Variants in TAOK1 observed in about 807,000 individuals in gnomAD.
The protein encoded by TAOK1 is serine/threonine-protein kinase TAO1.
TAOK1 carries 21 observed loss-of-function variants against 138.3 expected under a neutral mutation model. That is an observed-to-expected ratio of 0.15 (90% CI 0.11 to 0.22). The LOEUF is 0.22. Ranked by LOEUF, TAOK1 falls within the 10% of genes least tolerant of loss-of-function variation. The pLI is 1.00. For synonymous variants in TAOK1, 361 were observed against 398.4 expected (o/e 0.91, Z 1.12); for missense variants, 651 against 1,227.7 (o/e 0.53, Z 7.02).
chr17:29,509,335 A>G (rs561464626), intron 14 of TAOK1, among the ~76,000 whole-genome samples: 269 of 151,744 alleles, frequency 1.8e-3, no homozygotes, highest in South Asian at 4.2e-3. Flanking sequence ...TGCCTGGCTA[A>G]TTTTTCATCT....
chr17:29,540,295 T>C (rs1264747420), intron 19 of TAOK1, among the ~76,000 whole-genome samples: 1 of 152,212 alleles, frequency 6.6e-6, no homozygotes, highest in Non-Finnish European at 1.5e-5. Flanking sequence ...CTTTGAGACT[T>C]ATTTGCTCCA....
At chr17:29,402,883 A>C (rs1386696048) in intron 1 of TAOK1, among the ~76,000 whole-genome samples, 2 of 151,894 alleles carry the variant, frequency 1.3e-5, no homozygotes, top group Non-Finnish European at 2.9e-5. Context: ...CTAAAAATAC[A>C]AAAAAATTAG....
rs564349154 is a variant in TAOK1, at chr17:29,544,698, G to A, written c.*1676G>A. 3.4e-4 allele frequency: 52 copies of A among 152,266 alleles called. No individual in the cohort carries two copies. The highest frequency in any genetic ancestry group is 1.2e-3 in the African/African-American group (48 of 41,568). 9.4% of individuals were successfully genotyped at this position (152,266 alleles called of 1,614,324 possible). A position where few individuals can be genotyped will look rare whatever the true frequency, so the allele number is the denominator to read the frequency against. Reference sequence around the variant, plus strand: ...TAGGAAGCTGTGAGTATGACTTGAAGAAAAATATCCTTTTCAGTGACAAAT... The same window carrying A: ...TAGGAAGCTGTGAGTATGACTTGAAAAAAAATATCCTTTTCAGTGACAAAT... On this transcript the variant is annotated 3_prime_UTR_variant, in exon 20 of 20. Transcript: ENST00000261716.
At chr17:29,540,728 G>A (rs1381432772) in intron 19 of TAOK1, among the ~76,000 whole-genome samples, 4 of 151,838 alleles carry the variant, frequency 2.6e-5, no homozygotes, top group Non-Finnish European at 5.9e-5. Flanking sequence ...GTGCCACCAC[G>A]CCCGGCTAAT....
intron 16 of TAOK1, among the ~76,000 whole-genome samples, chr17:29,518,184 AAAT>A (rs1314318202): frequency 6.6e-5 from 10 of 152,140 alleles, no homozygotes; most frequent in African/African-American, 2.2e-4. Context: ...TGCTTTCTTT[AAAT>A]ATTATTCTTT....
chr17:29,518,609 C>A (rs1425693513), intron 16 of TAOK1, among the ~76,000 whole-genome samples: 2 of 152,174 alleles, frequency 1.3e-5, no homozygotes, highest in African/African-American at 4.8e-5. Flanking sequence ...GACTCCCTCA[C>A]TACAATGGAA....
intron 17 of TAOK1, among the ~76,000 whole-genome samples, chr17:29,524,439 A>G (rs1396021630): frequency 6.6e-6 from 1 of 152,176 alleles, no homozygotes; most frequent in Non-Finnish European, 1.5e-5. Context: ...TGTCATTAGA[A>G]CCTTTCCGTT....
At chr17:29,488,880 C>T (rs1252450787) in intron 8 of TAOK1, among the ~76,000 whole-genome samples, 5 of 151,804 alleles carry the variant, frequency 3.3e-5, no homozygotes, top group Admixed American at 6.6e-5. Context: ...AAAATCAGTG[C>T]GGATATTAAA....
intron 2 of TAOK1, among the ~76,000 whole-genome samples, chr17:29,466,246 C>T (rs759437953): frequency 1.3e-5 from 2 of 152,126 alleles, no homozygotes; most frequent in African/African-American, 4.8e-5. Context: ...CAGTTTCAAG[C>T]GATTCTCCTG....
chr17:29,513,955 TAAAAAAA>T (rs566156454), intron 15 of TAOK1: 2 of 149,702 alleles, frequency 1.3e-5, no homozygotes, highest in African/African-American at 4.9e-5. Flanking sequence ...AAAAATAAAT[TAAAAAAA>T]ATAAAAAATA....
chr17:29,451,784 A>G (rs2030243657), intron 2 of TAOK1, 104 bp downstream of exon 2: 1 of 1,351,486 alleles, frequency 7.4e-7, no homozygotes, highest in Non-Finnish European at 1.0e-6. Context: ...TAGTCATTTT[A>G]TAGTCACTTG....
intron 10 of TAOK1, among the ~76,000 whole-genome samples, chr17:29,494,559 G>A (rs186942592): frequency 6.6e-6 from 1 of 152,228 alleles, no homozygotes; most frequent in Admixed American, 6.5e-5. Context: ...GGGCGCGGTG[G>A]CTCACACCTG....
At chr17:29,417,770 C>T (rs575205940) in intron 1 of TAOK1, among the ~76,000 whole-genome samples, 1 of 152,202 alleles carries the variant, frequency 6.6e-6, no homozygotes, top group Non-Finnish European at 1.5e-5. Context: ...GCCGCCCTTT[C>T]CCCAGACCCT....
chr17:29,477,468 AT>A (rs1274657086), intron 4 of TAOK1, among the ~76,000 whole-genome samples, 192 bp from the exon 5 acceptor site: 1 of 151,694 alleles, frequency 6.6e-6, no homozygotes, highest in Non-Finnish European at 1.5e-5. Context: ...ATACATAACT[AT>A]TTTTTATTAA....
chr17:29,437,978 C>T (rs1375577062), intron 1 of TAOK1, among the ~76,000 whole-genome samples: 5 of 151,936 alleles, frequency 3.3e-5, no homozygotes, highest in Non-Finnish European at 7.4e-5. Context: ...GTGATTCGCC[C>T]GCCTTAGCCT....
chr17:29,537,698 GAGGAAAAGAAATCCAAATTACAGGAAAAA>G (rs1012087439), intron 19 of TAOK1, among the ~76,000 whole-genome samples: 6 of 151,438 alleles, frequency 4.0e-5, no homozygotes, highest in Admixed American at 1.3e-4. Context: ...TTAAAACTTT[GAGGAAAAGAAATCCAAATTACAGGAAAAA>G]AGGAAAAGAA....
chr17:29,530,334 A>G lies in TAOK1; in HGVS notation c.2149-73A>G. The stretch of plus-strand genomic sequence containing the variant: ...TTTTTTCCTAGTAGCCTTTATTTTC[A>G]TGTATGTAAGCATACCATATACCAA... On this transcript the variant is annotated intron_variant, in intron 17 of 19. Transcript: ENST00000261716. The G allele has an allele frequency of 6.9e-6, 9 of 1,298,124 alleles. No homozygotes were observed. In the South Asian group the frequency reaches 9.3e-5, roughly 13 times the overall value. 80.4% of individuals were successfully genotyped at this position (1,298,124 alleles called of 1,614,324 possible).
intron 11 of TAOK1, among the ~76,000 whole-genome samples, chr17:29,498,075 A>G (rs2031447894): frequency 6.6e-6 from 1 of 152,248 alleles, no homozygotes; most frequent in South Asian, 2.1e-4. Flanking sequence ...AAATCTGATC[A>G]GCTGACTTTG....
intron 8 of TAOK1, among the ~76,000 whole-genome samples, chr17:29,483,935 A>G (rs1399393491): frequency 2.0e-5 from 3 of 152,308 alleles, no homozygotes; most frequent in Non-Finnish European, 2.9e-5. Flanking sequence ...CTCTTTGCCC[A>G]TGGGGTCCTT....
Sources: allele counts gnomAD v4.1 joint callset (sites outside exome capture counted in the v4.1 genomes callset), GRCh38; gene constraint gnomAD v4.1.1; transcripts MANE v1.5; gene names NCBI Gene and HGNC (gene_info 2026-07-23, HGNC 2026-07-21).